The following CRACR2A variants were observed in gnomAD, a reference collection of about 807,000 sequenced individuals.
The protein encoded by CRACR2A is EF-hand calcium-binding domain-containing protein 4B.
A neutral mutation model predicts 90.5 loss-of-function variants in CRACR2A; 79 were observed. That is an observed-to-expected ratio of 0.87 (90% CI 0.73 to 1.05). The LOEUF (loss-of-function observed/expected upper bound fraction) is 1.05, where lower values mean the gene tolerates loss of function less well. Ranked by LOEUF, CRACR2A falls within the 50% of genes least tolerant of loss-of-function variation. CRACR2A has a pLI of 0.00. For missense variants in CRACR2A, 823 were observed against 897.2 expected (o/e 0.92, Z 1.06); for synonymous variants, 338 against 356.7 (o/e 0.95, Z 0.59).
At chr12:3,730,589 G>T (rs1565505319) in intron 2 of CRACR2A, 1 of 152,138 alleles carries the variant, frequency 6.6e-6, no homozygotes. Flanking sequence ...CTAAATTATG[G>T]TAAATCCATA....
chr12:3,751,190 T>C (rs1390440705), intron 1 of CRACR2A, among the ~76,000 whole-genome samples: 1 of 152,208 alleles, frequency 6.6e-6, no homozygotes, highest in African/African-American at 2.4e-5. Context: ...CCTCATGAGG[T>C]TGTCAGGAGG....
At chr12:3,749,750 T>C (rs1946677928) in intron 1 of CRACR2A, among the ~76,000 whole-genome samples, 1 of 151,738 alleles carries the variant, frequency 6.6e-6, no homozygotes, top group Non-Finnish European at 1.5e-5. Flanking sequence ...GATGGATGAG[T>C]GGAACAATGT....
At chr12:3,716,695 T>A (rs1044979560) in intron 2 of CRACR2A, among the ~76,000 whole-genome samples, 7 of 152,256 alleles carry the variant, frequency 4.6e-5, no homozygotes, top group African/African-American at 7.2e-5. Flanking sequence ...ATTGTCCCCA[T>A]GAACTTCTTG....
At chr12:3,672,901 G>C in intron 7 of CRACR2A, 1 of 647,852 alleles carries the variant, frequency 1.5e-6, no homozygotes. Context: ...GCCAGGAGGA[G>C]GGACATTCAG....
At chr12:3,720,182 C>G (rs532934807) in intron 2 of CRACR2A, among the ~76,000 whole-genome samples, 1 of 45,936 alleles carries the variant, frequency 2.2e-5, no homozygotes, top group African/African-American at 9.0e-5. Context: ...GAAGGGAGGG[C>G]GGGAGGGAGG....
chr12:3,706,051 T>C (rs1008037337), intron 3 of CRACR2A, among the ~76,000 whole-genome samples: 1 of 152,210 alleles, frequency 6.6e-6, no homozygotes, highest in Non-Finnish European at 1.5e-5. Context: ...CAGGTGATAG[T>C]AGCTGATACC....
At chr12:3,697,906 G>A (rs1246043209) in intron 3 of CRACR2A, among the ~76,000 whole-genome samples, 2 of 152,142 alleles carry the variant, frequency 1.3e-5, no homozygotes, top group African/African-American at 2.4e-5. Flanking sequence ...TTTTCAGAGG[G>A]TGTCTTGCAA....
At chr12:3,696,319 T>C (rs997215205) in intron 4 of CRACR2A, among the ~76,000 whole-genome samples, 1 of 152,160 alleles carries the variant, frequency 6.6e-6, no homozygotes, top group Non-Finnish European at 1.5e-5. Context: ...GAGATTGCAG[T>C]GTATTTGGGT....
chr12:3,697,136 G>A, intron 3 of CRACR2A, 101 bp from the exon 4 acceptor site: 2 of 1,371,330 alleles, frequency 1.5e-6, no homozygotes, highest in Non-Finnish European at 1.9e-6. Context: ...CCATACACCA[G>A]TGTGTCCAGG....
rs118085277 is a variant in CRACR2A, at chr12:3,672,463, C to T, written c.671+983G>A. On this transcript the variant is annotated intron_variant, in intron 7 of 19. Transcript: ENST00000440314. ...AAATGAGCAAATCTCTGGGTGTGTA[C>T]AAGATTTCATGGCAGAAGCATGGGG... 3.0e-3 allele frequency among the ~76,000 whole-genome samples: 461 copies of T among 152,304 alleles called. 5 individuals are homozygous for T. Among genetic ancestry groups the T allele is most frequent in the Admixed American group, 7.6e-3 (116 of 15,300 alleles).
rs775680316 is a variant in CRACR2A, at chr12:3,680,302, C to T, written c.276G>A (p.Val92=). 5.0e-6 allele frequency: 8 copies of T among 1,614,104 alleles called. No homozygotes were observed. In the South Asian group the frequency reaches 7.7e-5, roughly 16 times the overall value. ...TGCCATCAGCATCCAGGGCATCAAA[C>T]ACATCCTCCAGTTCCTCCAGGCTGA... ...LPLSLEELED[V]FDALDADGNG... Residue 92 remains valine, a synonymous_variant, in exon 5 of 20, where the codon GTG becomes GTA. Coordinates refer to ENST00000440314, the MANE Select transcript of CRACR2A (RefSeq NM_001144958.2).
intron 2 of CRACR2A, chr12:3,728,985 G>A (rs1270400880): frequency 6.6e-6 from 1 of 152,202 alleles, no homozygotes; most frequent in East Asian, 1.9e-4. Context: ...GCTCCATGGC[G>A]TATTTGTCTC....
chr12:3,682,440 T>C (rs1456659303), intron 4 of CRACR2A, among the ~76,000 whole-genome samples: 1 of 152,202 alleles, frequency 6.6e-6, no homozygotes, highest in Non-Finnish European at 1.5e-5. Flanking sequence ...ATCCCCCTGT[T>C]GTCTAATCCC....
At chr12:3,641,583 G>T in intron 13 of CRACR2A, 149 bp downstream of exon 13, 1 of 644,362 alleles carries the variant, frequency 1.6e-6, no homozygotes, top group Non-Finnish European at 2.7e-6. Flanking sequence ...ACAGGGAGGG[G>T]CATGTGTTCC....
intron 3 of CRACR2A, among the ~76,000 whole-genome samples, chr12:3,701,891 T>C (rs1173049326): frequency 6.6e-6 from 1 of 152,154 alleles, no homozygotes; most frequent in East Asian, 1.9e-4. Flanking sequence ...CAATATCCCT[T>C]ATGAACACAG....
Position 3,619,310 on chromosome 12 carries a change from C to T in CRACR2A, c.1995G>A (p.Glu665=). ...LLGNKLDNEK[E]REVPRGLGEQ... ...CTCCGAGGCCCCGGGGGACTTCCCG[C>T]TCCTTCTCGTTGTCAAGCTTATTAC... The change falls in exon 18 of 20, where the codon GAG becomes GAA. Residue 665 remains glutamate, a synonymous_variant. Coordinates refer to ENST00000440314, the MANE Select transcript of CRACR2A (RefSeq NM_001144958.2). 6.4e-7 allele frequency: 1 copy of T among 1,551,714 alleles called. No homozygotes were observed. The highest frequency in any genetic ancestry group is 8.7e-7 in the Non-Finnish European group (1 of 1,147,004).
chr12:3,646,090 T>C (rs1944680646), intron 11 of CRACR2A, among the ~76,000 whole-genome samples: 1 of 152,188 alleles, frequency 6.6e-6, no homozygotes, highest in Non-Finnish European at 1.5e-5. Context: ...TATTGCATGG[T>C]TCCAGCTGTG....
At chr12:3,674,013 A>G (rs73047298) in intron 6 of CRACR2A, among the ~76,000 whole-genome samples, 22,464 of 152,164 alleles carry the variant, frequency 0.15, 1,840 homozygotes, top group South Asian at 0.26. Flanking sequence ...GCACAGCAAC[A>G]TGCTCTGGTG....
intron 7 of CRACR2A, among the ~76,000 whole-genome samples, chr12:3,665,671 T>A (rs1345042787): frequency 1.3e-5 from 2 of 151,290 alleles, no homozygotes; most frequent in Non-Finnish European, 2.9e-5. Flanking sequence ...AACTGGGGGG[T>A]GGAGGATCAA....
Sources: allele counts gnomAD v4.1 joint callset (sites outside exome capture counted in the v4.1 genomes callset), GRCh38; gene constraint gnomAD v4.1.1; transcripts MANE v1.5; gene names NCBI Gene and HGNC (gene_info 2026-07-23, HGNC 2026-07-21).